Variants in ALPL observed in about 807,000 individuals in gnomAD.
ALPL encodes alkaline phosphatase, biomineralization associated.
ALPL carries 42 observed loss-of-function variants against 51.3 expected under a neutral mutation model. The ratio of observed to expected loss-of-function variants is 0.82; its 90% CI spans 0.64 to 1.06. ALPL has a LOEUF of 1.06. Ranked by LOEUF, ALPL falls within the 50% of genes least tolerant of loss-of-function variation. The pLI is 0.00. For synonymous variants in ALPL, 279 were observed against 296.4 expected, an observed-to-expected ratio of 0.94 and a Z score of 0.60; for missense variants, 589 against 709.4, an observed-to-expected ratio of 0.83 and a Z score of 1.93.
At chr1:21,510,872 T>C (rs1306162823) in intron 1 of ALPL, among the ~76,000 whole-genome samples, 4 of 152,240 alleles carry the variant, frequency 2.6e-5, no homozygotes, top group East Asian at 3.8e-4. Context: ...GTCACCTTTT[T>C]CTTTCTTTAA....
intron 8 of ALPL, 53 bp from the exon 9 acceptor site, chr1:21,573,611 TC>T: frequency 6.2e-7 from 1 of 1,606,288 alleles, no homozygotes; most frequent in Non-Finnish European, 8.5e-7. Context: ...CTTGGAGTCC[TC>T]CTAGCCGGGT....
intron 1 of ALPL, among the ~76,000 whole-genome samples, chr1:21,546,171 A>G (rs774005680): frequency 6.6e-5 from 10 of 152,174 alleles, no homozygotes; most frequent in Non-Finnish European, 1.2e-4. Context: ...CAGTATCACT[A>G]GGATGTTGTG....
chr1:21,521,234 T>C (rs1441067254), intron 1 of ALPL, among the ~76,000 whole-genome samples: 1 of 151,978 alleles, frequency 6.6e-6, no homozygotes, highest in Non-Finnish European at 1.5e-5. Flanking sequence ...GCCCAGGCTG[T>C]AGTACAACGG....
At chr1:21,521,450 G>A (rs1287273581) in intron 1 of ALPL, among the ~76,000 whole-genome samples, 1 of 152,212 alleles carries the variant, frequency 6.6e-6, no homozygotes, top group African/African-American at 2.4e-5. Flanking sequence ...CTCCCAAAGT[G>A]CTGGGATTAC....
intron 11 of ALPL, 152 bp downstream of exon 11, chr1:21,576,793 T>A (rs936258196): frequency 1.1e-5 from 11 of 1,033,566 alleles, no homozygotes; most frequent in Non-Finnish European, 1.4e-5. Flanking sequence ...GGTTGTTTGA[T>A]TCAAACAACC....
chr1:21,531,504 A>G (rs756727757), intron 1 of ALPL, among the ~76,000 whole-genome samples: 6 of 152,236 alleles, frequency 3.9e-5, no homozygotes, highest in Non-Finnish European at 7.3e-5. Context: ...GAGGGGCAGA[A>G]CAAAGGTGGG....
chr1:21,570,636 T>C lies in ALPL; in HGVS notation c.862+262T>C, dbSNP rs2275374. On this transcript the variant is annotated intron_variant, in intron 8 of 11. Transcript: ENST00000374840. Reference sequence around the variant, plus strand: ...AGAGAGGGGAGTGGCCCGCGGCATGTGGCACAAGTGACAGCGGTACGGCCC... The same window carrying C: ...AGAGAGGGGAGTGGCCCGCGGCATGCGGCACAAGTGACAGCGGTACGGCCC... Among the ~76,000 whole-genome samples, 27,834 of 152,082 alleles carry C rather than the reference T, an allele frequency of 0.18. 3,099 individuals carry two copies. Among genetic ancestry groups the C allele is most frequent in the East Asian group, 0.45 (2,330 of 5,130 alleles).
At chr1:21,562,852 T>TCC (rs1171614766) in intron 4 of ALPL, among the ~76,000 whole-genome samples, 1 of 152,122 alleles carries the variant, frequency 6.6e-6, no homozygotes, top group East Asian at 1.9e-4. Context: ...GCCCCAATCT[T>TCC]CCGCCGGACA....
At chr1:21,538,002 G>T (rs531111322) in intron 1 of ALPL, among the ~76,000 whole-genome samples, 1 of 152,354 alleles carries the variant, frequency 6.6e-6, no homozygotes, top group South Asian at 2.1e-4. Flanking sequence ...GGGCGTTGGT[G>T]TGAGGACCAG....
At chr1:21,553,695 T>C (rs577296316) in intron 1 of ALPL, among the ~76,000 whole-genome samples, 129 of 152,078 alleles carry the variant, frequency 8.5e-4, no homozygotes, top group African/African-American at 3.0e-3. Context: ...CTCTGGGAGG[T>C]AGGGGGCTTC....
intron 1 of ALPL, among the ~76,000 whole-genome samples, chr1:21,515,423 C>G (rs1296872955): frequency 1.3e-5 from 2 of 152,196 alleles, no homozygotes; most frequent in Non-Finnish European, 2.9e-5. Context: ...GAGTATCGCT[C>G]TGTTCCCCAG....
rs372118436 is a variant in ALPL at position 21,573,571 on chromosome 1, A to G, written c.863-94A>G. On this transcript the variant is annotated intron_variant, in intron 8 of 11. Coordinates refer to ENST00000374840, the MANE Select transcript of ALPL (RefSeq NM_000478.6). ...ACTCTACCCCAAGCTGGCTGTGGGG[A>G]GCCTGCATTCCCTGAGACACCCCAG... is the stretch of plus-strand genomic sequence containing the variant. The G allele has an allele frequency of 1.7e-5, 26 of 1,502,320 alleles. No individual in the cohort carries two copies. The East Asian group carries it at 6.1e-4, about 35-fold the overall frequency. 93.1% of individuals were successfully genotyped at this position (1,502,320 alleles called of 1,614,324 possible).
intron 9 of ALPL, chr1:21,574,266 G>T: frequency 1.0e-6 from 1 of 955,696 alleles, no homozygotes; most frequent in Non-Finnish European, 1.2e-6. Flanking sequence ...CTCTACCTGT[G>T]CACTTCTGTT....
rs146517700 is a variant in ALPL at position 21,563,192 on chromosome 1, C to A, written c.380C>A (p.Thr127Asn). The A allele has an allele frequency of 6.2e-7, 1 of 1,613,934 alleles. No homozygotes were observed. Among genetic ancestry groups the A allele is most frequent in the Non-Finnish European group, 8.5e-7 (1 of 1,180,022 alleles). The change falls in exon 5 of 12, where the codon ACC becomes AAC. Residue 127 changes from threonine (T) to asparagine (N), a missense_variant. Transcript: ENST00000374840. Reference protein sequence around the residue: ...YLCGVKANEGTVGVSAATERS... With the variant: ...YLCGVKANEGNVGVSAATERS... ...TGTGGGGTGAAGGCCAATGAGGGCACCGTGGGGGTAAGCGCAGCCACTGAG... is the reference window on the plus strand; with the variant it reads ...TGTGGGGTGAAGGCCAATGAGGGCAACGTGGGGGTAAGCGCAGCCACTGAG...
At chr1:21,514,858 C>A (rs1403015446) in intron 1 of ALPL, among the ~76,000 whole-genome samples, 1 of 152,138 alleles carries the variant, frequency 6.6e-6, no homozygotes, top group African/African-American at 2.4e-5. Context: ...TACTCTCCAG[C>A]ATTTTGCAGT....
chr1:21,554,923 TTTCTTTC>T (rs200461341), intron 2 of ALPL, among the ~76,000 whole-genome samples: 17,033 of 148,750 alleles, frequency 0.11, 1,238 homozygotes, highest in Non-Finnish European at 0.15. Context: ...TCTTTCTTTC[TTTCTTTC>T]TTTTCTTTTT....
chr1:21,535,147 GA>G (rs1285402540), intron 1 of ALPL, among the ~76,000 whole-genome samples: 2 of 152,238 alleles, frequency 1.3e-5, no homozygotes, highest in African/African-American at 4.8e-5. Context: ...CCTAGGCATA[GA>G]AGGTGTTTAG....
intron 1 of ALPL, among the ~76,000 whole-genome samples, chr1:21,518,888 C>T (rs942513571): frequency 1.3e-5 from 2 of 152,164 alleles, no homozygotes; most frequent in Non-Finnish European, 2.9e-5. Flanking sequence ...AAAACCGACC[C>T]GCCCACAAAC....
intron 9 of ALPL, 64 bp from the exon 10 acceptor site, chr1:21,575,669 G>A (rs1644717537): frequency 1.3e-6 from 2 of 1,590,022 alleles, no homozygotes; most frequent in African/African-American, 1.3e-5. Flanking sequence ...GCAGTGTTGT[G>A]GGGCTGGGGA....
Sources: allele counts gnomAD v4.1 joint callset (sites outside exome capture counted in the v4.1 genomes callset), GRCh38; gene constraint gnomAD v4.1.1; transcripts MANE v1.5; gene names NCBI Gene and HGNC (gene_info 2026-07-23, HGNC 2026-07-21).